The following ABCA13 variants were observed in gnomAD, a reference collection of about 807,000 sequenced individuals.
ABCA13 encodes ATP-binding cassette sub-family A member 13.
A neutral mutation model predicts 478.7 loss-of-function variants in ABCA13; 476 were observed. The ratio of observed to expected loss-of-function variants is 0.99; its 90% CI spans 0.92 to 1.07. The LOEUF (loss-of-function observed/expected upper bound fraction) is 1.07, where lower values mean the gene tolerates loss of function less well. ABCA13 is among the 50% of genes least tolerant of loss of function. ABCA13 has a pLI of 0.00. For missense variants in ABCA13, 6,060 were observed against 5,910.6 expected (o/e 1.03, Z -0.83); for synonymous variants, 2,252 against 2,158.9 (o/e 1.04, Z -1.20).
At chr7:48,425,827 G>T (rs936079343) in intron 41 of ABCA13, among the ~76,000 whole-genome samples, 2 of 152,084 alleles carry the variant, frequency 1.3e-5, no homozygotes, top group South Asian at 2.1e-4. Context: ...TGCAGGCTCC[G>T]CCCCCTGGGG....
Position 48,594,735 on chromosome 7 carries a change from C to G in ABCA13, c.14666C>G (p.Pro4889Arg). Residue 4889 changes from proline (P) to arginine (R), a missense_variant, in exon 58 of 62, where the codon CCC becomes CGC. Around this residue, in one of 3 missense-constraint regions of ABCA13, gnomAD observed 1,627 missense variants for 1,571.0 expected, o/e 1.04. Transcript: ENST00000435803. The part of the protein sequence containing the change: ...LLDEPSSGMD[P>R]CSKRYLWQTI... ...GATGAGCCCAGCTCTGGGATGGATC[C>G]CTGCTCTAAGCGGTACCTGTGGCAA... is the stretch of plus-strand genomic sequence containing the variant. 1 of 1,613,858 alleles carries G rather than the reference C, an allele frequency of 6.2e-7. No homozygotes were observed. Among genetic ancestry groups the G allele is most frequent in the Non-Finnish European group, 8.5e-7 (1 of 1,179,804 alleles).
chr7:48,197,641 C>T (rs899088232), intron 2 of ABCA13, among the ~76,000 whole-genome samples: 2 of 152,166 alleles, frequency 1.3e-5, no homozygotes, highest in East Asian at 1.9e-4. Context: ...TCCCACCCTC[C>T]TGATGGTGTG....
chr7:48,599,438 T>C (rs997253533), intron 58 of ABCA13, among the ~76,000 whole-genome samples: 4 of 152,160 alleles, frequency 2.6e-5, no homozygotes, highest in Non-Finnish European at 5.9e-5. Context: ...GTAATAGTTC[T>C]TTTTATGTAG....
At chr7:48,210,205 G>A (rs184665832) in intron 3 of ABCA13, among the ~76,000 whole-genome samples, 3 of 152,200 alleles carry the variant, frequency 2.0e-5, no homozygotes, top group South Asian at 2.1e-4. Flanking sequence ...TTCACATGGC[G>A]GCAGGAGAGA....
At chr7:48,173,338 A>G (rs1794408015) in intron 1 of ABCA13, among the ~76,000 whole-genome samples, 1 of 152,196 alleles carries the variant, frequency 6.6e-6, no homozygotes, top group East Asian at 1.9e-4. Flanking sequence ...ATTTTCCCCA[A>G]TTGGTTCATC....
intron 37 of ABCA13, among the ~76,000 whole-genome samples, chr7:48,389,597 G>T (rs1371345841): frequency 6.6e-6 from 1 of 152,160 alleles, no homozygotes; most frequent in Admixed American, 6.5e-5. Context: ...GTAGGAAGAG[G>T]AATATCACAG....
At chr7:48,436,424 T>C (rs1398996223) in intron 42 of ABCA13, among the ~76,000 whole-genome samples, 3 of 151,758 alleles carry the variant, frequency 2.0e-5, no homozygotes, top group Non-Finnish European at 3.0e-5. Flanking sequence ...TTAGTCAATC[T>C]AGCTAAAGGT....
At chr7:48,291,935 G>A (rs980344411) in intron 20 of ABCA13, among the ~76,000 whole-genome samples, 2 of 152,066 alleles carry the variant, frequency 1.3e-5, no homozygotes, top group East Asian at 1.9e-4. Flanking sequence ...ATCCTTGACC[G>A]ACTGTCTCCA....
chr7:48,508,351 A>G (rs1235554093), intron 50 of ABCA13, among the ~76,000 whole-genome samples: 1 of 152,172 alleles, frequency 6.6e-6, no homozygotes, highest in African/African-American at 2.4e-5. Context: ...GCTCTTTTCA[A>G]TGGGGTAGCA....
At chr7:48,562,133 TG>T (rs1266745726) in intron 55 of ABCA13, among the ~76,000 whole-genome samples, 7 of 151,650 alleles carry the variant, frequency 4.6e-5, no homozygotes, top group African/African-American at 1.7e-4. Flanking sequence ...AAAGTTTGCC[TG>T]CCTTTTTTTT....
chr7:48,220,218 A>G (rs990116329), intron 4 of ABCA13, among the ~76,000 whole-genome samples: 14 of 152,310 alleles, frequency 9.2e-5, no homozygotes, highest in African/African-American at 3.1e-4. Context: ...AGAAATAGGC[A>G]GCCAGTTGCC....
At chr7:48,335,236 G>C (rs1223850523) in intron 27 of ABCA13, among the ~76,000 whole-genome samples, 186 bp from the exon 28 acceptor site, 6 of 152,202 alleles carry the variant, frequency 3.9e-5, no homozygotes, top group African/African-American at 1.2e-4. Flanking sequence ...GTCAAGGAGA[G>C]AGGTTTCAGA....
chr7:48,532,659 TA>T (rs112837084), intron 55 of ABCA13, among the ~76,000 whole-genome samples: 11 of 151,960 alleles, frequency 7.2e-5, no homozygotes, highest in African/African-American at 2.4e-4. Flanking sequence ...GTAATTTTTT[TA>T]ATTATCATTT....
chr7:48,377,478 G>A (rs934995443), intron 35 of ABCA13, among the ~76,000 whole-genome samples: 1 of 152,070 alleles, frequency 6.6e-6, no homozygotes, highest in African/African-American at 2.4e-5. Context: ...AATGAAAATG[G>A]AGGGATAGAA....
chr7:48,404,901 A>G (rs932117510), intron 39 of ABCA13, among the ~76,000 whole-genome samples: 1 of 152,244 alleles, frequency 6.6e-6, no homozygotes, highest in Non-Finnish European at 1.5e-5. Context: ...GATAGATAGA[A>G]GTGGGAAAAT....
intron 59 of ABCA13, among the ~76,000 whole-genome samples, chr7:48,625,966 C>T (rs1396311312): frequency 1.3e-5 from 2 of 152,174 alleles, no homozygotes; most frequent in Middle Eastern, 6.8e-3. Flanking sequence ...AATGTGATTC[C>T]TAATCTCAAT....
chr7:48,488,930 G>GA (rs945944683), intron 47 of ABCA13, among the ~76,000 whole-genome samples: 32 of 149,592 alleles, frequency 2.1e-4, no homozygotes, highest in African/African-American at 6.1e-4. Context: ...AACTGAGAAA[G>GA]AAAAAAAAAT....
intron 7 of ABCA13, among the ~76,000 whole-genome samples, chr7:48,230,841 A>G (rs1364034237): frequency 1.3e-5 from 2 of 152,144 alleles, no homozygotes; most frequent in Admixed American, 1.3e-4. Flanking sequence ...CAACCCATTC[A>G]TCTGTTCATT....
intron 20 of ABCA13, among the ~76,000 whole-genome samples, chr7:48,294,471 G>C (rs1015791636): frequency 1.3e-4 from 17 of 131,936 alleles, no homozygotes; most frequent in African/African-American, 4.0e-4. Flanking sequence ...ACGGAGTCTC[G>C]CTCTGTCGCC....
Sources: gnomAD v4.1 joint callset for allele counts (sites outside exome capture counted in the v4.1 genomes callset) on GRCh38, gnomAD v4.1.1 for gene constraint, gnomAD v4.1.1 regional missense constraint, MANE v1.5 for transcripts, NCBI Gene and HGNC (gene_info 2026-07-23, HGNC 2026-07-21) for gene names.